Variants in ANGPT2 observed in about 807,000 individuals in gnomAD.
The protein encoded by ANGPT2 is angiopoietin 2, also known as angiopoietin-2.
A neutral mutation model predicts 62.9 loss-of-function variants in ANGPT2; 28 were observed. The ratio of observed to expected loss-of-function variants is 0.44; its 90% CI spans 0.33 to 0.61. The LOEUF is 0.61. ANGPT2 is among the 20% of genes least tolerant of loss of function. The probability of loss-of-function intolerance (pLI) is 0.03; values close to 1 mark genes in which losing one functional copy is unlikely to be tolerated. For missense variants in ANGPT2, 727 were observed against 594.9 expected (o/e 1.22, Z -2.31); for synonymous variants, 284 against 207.8 (o/e 1.37, Z -3.15).
chr8:6,532,913 A>G (rs1036145068), intron 1 of ANGPT2, among the ~76,000 whole-genome samples: 2 of 152,212 alleles, frequency 1.3e-5, no homozygotes, highest in Non-Finnish European at 2.9e-5. Context: ...TATTTCTCTC[A>G]CATTCTAGAC....
chr8:6,502,941 A>G lies in ANGPT2; in HGVS notation c.*160T>C, dbSNP rs982001167. 79 of 770,326 alleles carry G rather than the reference A, an allele frequency of 1.0e-4. No individual in the cohort carries two copies. The African/African-American group carries it at 1.3e-3, about 13-fold the overall frequency. 47.7% of individuals were successfully genotyped at this position (770,326 alleles called of 1,614,324 possible). ...GTTAAGTGATGCAAGTTTAAGTGATAAAGTTTACAGGCTCTAATCTGGAGC... is the reference window on the plus strand; with the variant it reads ...GTTAAGTGATGCAAGTTTAAGTGATGAAGTTTACAGGCTCTAATCTGGAGC... On this transcript the variant is annotated 3_prime_UTR_variant, in exon 9 of 9. Transcript: ENST00000629816.
intron 1 of ANGPT2, among the ~76,000 whole-genome samples, chr8:6,540,254 C>G (rs1821307580): frequency 6.6e-6 from 1 of 152,116 alleles, no homozygotes; most frequent in African/African-American, 2.4e-5. Context: ...GTGTGTTTCC[C>G]TTACCACTAC....
intron 8 of ANGPT2, chr8:6,508,035 C>G (rs1005348754): frequency 6.6e-6 from 1 of 152,062 alleles, no homozygotes; most frequent in African/African-American, 2.4e-5. Context: ...AATACCAAAC[C>G]TACAATACAA....
At chr8:6,562,578 T>TTTTTTTTTTTTTTTTTTTTTTTA in intron 1 of ANGPT2, 69 bp downstream of exon 1, 1 of 880,186 alleles carries the variant, frequency 1.1e-6, no homozygotes, top group Non-Finnish European at 1.6e-6. Context: ...TTTTGGTTGT[T>TTTTTTTTTTTTTTTTTTTTTTTA]AAAACCTGAG....
At chr8:6,511,238 G>A (rs1049737834) in intron 7 of ANGPT2, among the ~76,000 whole-genome samples, 6 of 151,758 alleles carry the variant, frequency 4.0e-5, no homozygotes, top group African/African-American at 1.5e-4. Context: ...TTAAAATTTG[G>A]TTATTAAGAA....
chr8:6,500,256 A>G lies in ANGPT2; in HGVS notation c.*2845T>C. The stretch of plus-strand genomic sequence containing the variant: ...ATCTTGCTTAATGTTTTTACTGTTA[A>G]TAGAAATAGAACTGATAGGTATAAA... On this transcript the variant is annotated 3_prime_UTR_variant, in exon 9 of 9. Coordinates refer to ENST00000629816, the MANE Select transcript of ANGPT2 (RefSeq NM_001118887.2). 2 of 333,074 alleles carry G rather than the reference A, an allele frequency of 6.0e-6. No homozygotes were observed. Among genetic ancestry groups the G allele is most frequent in the Non-Finnish European group, 1.2e-5 (2 of 173,016 alleles). The allele number at this position is 333,074 out of a possible 1,614,324, so 20.6% of individuals were successfully genotyped here.
At chr8:6,531,765 G>A (rs1819561399) in intron 2 of ANGPT2, among the ~76,000 whole-genome samples, 1 of 149,810 alleles carries the variant, frequency 6.7e-6, no homozygotes, top group Non-Finnish European at 1.5e-5. Context: ...TGGCGGACCT[G>A]GAGCCATGGC....
chr8:6,513,147 A>G (rs984635128), intron 7 of ANGPT2, among the ~76,000 whole-genome samples: 1 of 152,190 alleles, frequency 6.6e-6, no homozygotes, highest in Non-Finnish European at 1.5e-5. Context: ...GAAGATACAC[A>G]GTAAACACAA....
At chr8:6,529,508 G>T (rs889163147) in intron 2 of ANGPT2, among the ~76,000 whole-genome samples, 6 of 150,592 alleles carry the variant, frequency 4.0e-5, no homozygotes, top group Non-Finnish European at 7.4e-5. Context: ...CTGCAGTGCG[G>T]TGGCACCATA....
chr8:6,548,518 G>T (rs1422524964), intron 1 of ANGPT2, among the ~76,000 whole-genome samples: 1 of 152,192 alleles, frequency 6.6e-6, no homozygotes, highest in South Asian at 2.1e-4. Context: ...TTGCATTTCA[G>T]TGGTCCCAGC....
intron 1 of ANGPT2, among the ~76,000 whole-genome samples, chr8:6,544,014 C>A (rs1376825897): frequency 6.6e-6 from 1 of 152,130 alleles, no homozygotes; most frequent in East Asian, 1.9e-4. Context: ...ATCTGATCAG[C>A]AGTAGAATGT....
chr8:6,526,257 TAAAAAAAA>T (rs35519559), intron 3 of ANGPT2, among the ~76,000 whole-genome samples: 15 of 77,466 alleles, frequency 1.9e-4, no homozygotes, highest in Non-Finnish European at 3.3e-4. Context: ...TTGCCTCTAC[TAAAAAAAA>T]AAAAAAAAAA....
chr8:6,544,825 C>T (rs1443602500), intron 1 of ANGPT2, among the ~76,000 whole-genome samples: 1 of 152,176 alleles, frequency 6.6e-6, no homozygotes, highest in African/African-American at 2.4e-5. Context: ...GAACTGTCGA[C>T]ATCAGGAAGA....
At chr8:6,560,957 T>G (rs1289913481) in intron 1 of ANGPT2, among the ~76,000 whole-genome samples, 2 of 152,232 alleles carry the variant, frequency 1.3e-5, no homozygotes, top group Non-Finnish European at 2.9e-5. Context: ...TCGGGCAGAT[T>G]AGAATATTTA....
chr8:6,514,910 T>G (rs1414704653), intron 5 of ANGPT2, 132 bp from the exon 6 acceptor site: 16 of 674,320 alleles, frequency 2.4e-5, no homozygotes, highest in South Asian at 2.2e-4. Flanking sequence ...AGGCACGGAG[T>G]AGACCATCGG....
At chr8:6,530,130 C>A (rs1436062940) in intron 2 of ANGPT2, among the ~76,000 whole-genome samples, 1 of 151,934 alleles carries the variant, frequency 6.6e-6, no homozygotes. Context: ...TATTCAATTA[C>A]CCATCAGTGT....
At chr8:6,522,827 A>T (rs1311208820) in intron 3 of ANGPT2, among the ~76,000 whole-genome samples, 1 of 152,098 alleles carries the variant, frequency 6.6e-6, no homozygotes, top group Non-Finnish European at 1.5e-5. Flanking sequence ...ACATACCTAA[A>T]GTCACACACA....
chr8:6,521,804 C>G lies in ANGPT2; in HGVS notation c.567-394G>C, dbSNP rs188922817. The stretch of plus-strand genomic sequence containing the variant: ...GGGAGAGTTTCAACTGGGCTGGACC[C>G]TTGGGTAGGATATTAGCTTTCTCCT... On this transcript the variant is annotated intron_variant, in intron 3 of 8. Transcript: ENST00000629816. Among the ~76,000 whole-genome samples the G allele has an allele frequency of 1.5e-3, 222 of 152,178 alleles. 2 individuals are homozygous for G. Among genetic ancestry groups the G allele is most frequent in the East Asian group, 1.5e-3 (8 of 5,180 alleles).
intron 1 of ANGPT2, among the ~76,000 whole-genome samples, chr8:6,538,867 C>G (rs1157075765): frequency 1.3e-5 from 2 of 152,196 alleles, no homozygotes; most frequent in African/African-American, 2.4e-5. Context: ...AGTTTGAAAA[C>G]TTGAGTGTAA....
Sources: allele counts gnomAD v4.1 joint callset (sites outside exome capture counted in the v4.1 genomes callset), GRCh38; gene constraint gnomAD v4.1.1; transcripts MANE v1.5; gene names NCBI Gene and HGNC (gene_info 2026-07-23, HGNC 2026-07-21).